TSHZ3: variants seen among roughly 807,000 people sequenced by gnomAD.
TSHZ3 encodes teashirt zinc finger homeobox 3.
In TSHZ3, 10 loss-of-function variants were observed where a neutral mutation model predicts 64.5. That is an observed-to-expected ratio of 0.16 (90% CI 0.10 to 0.26). The LOEUF is 0.26. Among genes scored for constraint, TSHZ3 ranks in the 10% least tolerant of loss-of-function variants. TSHZ3 has a pLI of 1.00. For synonymous variants in TSHZ3, 608 were observed against 593.1 expected (o/e 1.03, Z -0.36); for missense variants, 1,242 against 1,421.7 (o/e 0.87, Z 2.03).
At chr19:31,349,887 C>T (rs2145209595), upstream of TSHZ3, among the ~76,000 whole-genome samples, 1 of 146,502 alleles carries the variant, frequency 6.8e-6, no homozygotes, top group Non-Finnish European at 1.5e-5. Context: ...CAATCGCCCG[C>T]CCGCGGGGGC....
intron 3 of TSHZ3, among the ~76,000 whole-genome samples, chr19:31,233,567 G>T (rs189198327): frequency 7.0e-4 from 106 of 152,138 alleles, no homozygotes; most frequent in African/African-American, 2.5e-3. Context: ...AATGTCTTCG[G>T]CAGGGCAAGC....
rs766981282 is a variant in TSHZ3, at chr19:31,349,255, CGCCGCT to C, written c.-42_-37del. On this transcript the variant is annotated 5_prime_UTR_variant, in exon 1 of 2. Transcript: ENST00000240587. ...CGGCGACTGCCACTGCCGCCGCCGC[CGCCGCT>C]GCCGGGCTGAGGACAGGGAGGGAGG... 20 of 1,525,708 alleles carry C rather than the reference CGCCGCT, an allele frequency of 1.3e-5. No individual in the cohort carries two copies. The highest frequency in any genetic ancestry group is 1.9e-4 in the Middle Eastern group (1 of 5,160). 94.5% of individuals were successfully genotyped at this position (1,525,708 alleles called of 1,614,324 possible).
At chr19:31,298,727 A>T (rs1314905328) in intron 1 of TSHZ3, among the ~76,000 whole-genome samples, 1 of 152,130 alleles carries the variant, frequency 6.6e-6, no homozygotes, top group Non-Finnish European at 1.5e-5. Context: ...GAAGAGACTG[A>T]CGCTTAGAGA....
rs373327042 is a variant in TSHZ3, at chr19:31,279,490, C to T, written c.303G>A (p.Glu101=). The T allele has an allele frequency of 2.2e-5, 35 of 1,613,994 alleles. No homozygotes were observed. Among genetic ancestry groups the T allele is most frequent in the Non-Finnish European group, 3.0e-5 (35 of 1,179,952 alleles). The part of the protein sequence containing the change: ...GSIKNEEETK[E]VTVPLEDTTV... The stretch of plus-strand genomic sequence containing the variant: ...TCGTGTCTTCCAGTGGGACCGTGAC[C>T]TCCTTGGTCTCCTCTTCGTTCTTGA... The change falls in exon 2 of 2, where the codon GAG becomes GAA. Residue 101 remains glutamate (E), a synonymous_variant. Coordinates refer to ENST00000240587, the MANE Select transcript of TSHZ3 (RefSeq NM_020856.4). This position sits in a 1 kb window ranked among gnomAD's most constrained non-coding sequence, Gnocchi z 6.4.
intron 1 of TSHZ3, among the ~76,000 whole-genome samples, chr19:31,338,035 A>G (rs1017425373): frequency 6.6e-6 from 1 of 152,244 alleles, no homozygotes; most frequent in Non-Finnish European, 1.5e-5. Context: ...CATATTTAAT[A>G]GAATCCCTGC....
At chr19:31,177,031 G>T (rs1035225064) in intron 5 of TSHZ3, among the ~76,000 whole-genome samples, 4 of 152,172 alleles carry the variant, frequency 2.6e-5, no homozygotes, top group Admixed American at 2.0e-4. Context: ...GTACCTGGCA[G>T]AAGTATGTGC....
intron 4 of TSHZ3, among the ~76,000 whole-genome samples, chr19:31,215,829 C>T (rs1286554589): frequency 1.3e-5 from 2 of 152,012 alleles, no homozygotes; most frequent in Non-Finnish European, 2.9e-5. Flanking sequence ...CGAGATCGTG[C>T]CCCTGCACTC....
At chr19:31,317,664 C>T (rs1916642415) in intron 1 of TSHZ3, among the ~76,000 whole-genome samples, 1 of 152,204 alleles carries the variant, frequency 6.6e-6, no homozygotes, top group Non-Finnish European at 1.5e-5. Context: ...CAGGGCGCAT[C>T]CCCAGACTGG....
intron 1 of TSHZ3, among the ~76,000 whole-genome samples, chr19:31,249,937 T>C (rs562410717): frequency 1.3e-5 from 2 of 152,360 alleles, no homozygotes; most frequent in African/African-American, 2.4e-5. Flanking sequence ...CCACATTTGC[T>C]TCCTGGGGAT....
Position 31,309,165 on chromosome 19 carries a change from C to T in TSHZ3, c.41-29413G>A, listed in dbSNP as rs2145151841. Among the ~76,000 whole-genome samples the T allele has an allele frequency of 1.3e-5, 2 of 152,356 alleles. 1 individual carries two copies. Among genetic ancestry groups the T allele is most frequent in the East Asian group, 3.9e-4 (2 of 5,164 alleles). ...GCAGACACAATGCCGGAAGGCATCG[C>T]TTTGTACGGGGCCCTGGGTTCAGGA... On this transcript the variant is annotated intron_variant, in intron 1 of 1. Transcript: ENST00000240587.
intron 4 of TSHZ3, among the ~76,000 whole-genome samples, chr19:31,218,938 C>T (rs1975366724): frequency 6.6e-6 from 1 of 152,138 alleles, no homozygotes; most frequent in Non-Finnish European, 1.5e-5. Flanking sequence ...GGCAGCATTG[C>T]TAATTTTTCT....
chr19:31,197,388 C>T (rs956245307), intron 5 of TSHZ3, among the ~76,000 whole-genome samples: 1 of 150,508 alleles, frequency 6.6e-6, no homozygotes, highest in Non-Finnish European at 1.5e-5. Context: ...ATCATCTAGG[C>T]TTCCATTAGA....
chr19:31,328,370 G>C (rs1025941972), intron 1 of TSHZ3, among the ~76,000 whole-genome samples: 1 of 152,228 alleles, frequency 6.6e-6, no homozygotes, highest in East Asian at 1.9e-4. Context: ...GGGGACTGCG[G>C]GCCACGTTGG....
chr19:31,288,822 T>G (rs1976511155), intron 1 of TSHZ3, among the ~76,000 whole-genome samples: 1 of 152,194 alleles, frequency 6.6e-6, no homozygotes, highest in Non-Finnish European at 1.5e-5. Context: ...ATTACAGGCT[T>G]GAGCCACGGA....
At chr19:31,184,946 C>G (rs1017814204) in intron 5 of TSHZ3, among the ~76,000 whole-genome samples, 1 of 152,134 alleles carries the variant, frequency 6.6e-6, no homozygotes, top group Admixed American at 6.5e-5. Flanking sequence ...ATTTTTCCCC[C>G]CAAGGGGTTA....
intron 4 of TSHZ3, among the ~76,000 whole-genome samples, chr19:31,226,677 A>G (rs1975466859): frequency 6.6e-6 from 1 of 152,046 alleles, no homozygotes; most frequent in Non-Finnish European, 1.5e-5. Flanking sequence ...CACCAACCAC[A>G]AGTCAACATC....
chr19:31,287,291 C>A (rs971600812), intron 1 of TSHZ3, among the ~76,000 whole-genome samples: 10 of 152,178 alleles, frequency 6.6e-5, no homozygotes, highest in African/African-American at 2.4e-4. Context: ...GAAGTTATAA[C>A]CCTCCGTTTC....
chr19:31,250,057 G>A (rs1439051967), intron 1 of TSHZ3, among the ~76,000 whole-genome samples: 2 of 152,212 alleles, frequency 1.3e-5, no homozygotes, highest in Non-Finnish European at 2.9e-5. Flanking sequence ...CACGCGCCAG[G>A]CACACAGCAC....
rs760508166 is a variant in TSHZ3, at chr19:31,309,819, G to A, written c.41-30067C>T. 3.3e-5 allele frequency among the ~76,000 whole-genome samples: 5 copies of A among 152,152 alleles called. No individual in the cohort carries two copies. In the East Asian group the frequency reaches 7.8e-4, roughly 24 times the overall value. The stretch of plus-strand genomic sequence containing the variant: ...TTCTTTCACCCCCTGGGATGGCCAC[G>A]GCATCCCTCTCCATGTTCCCATCCT... On this transcript the variant is annotated intron_variant, in intron 1 of 1. Coordinates refer to ENST00000240587, the MANE Select transcript of TSHZ3 (RefSeq NM_020856.4).
Sources: allele counts gnomAD v4.1 joint callset (sites outside exome capture counted in the v4.1 genomes callset), GRCh38; gene constraint gnomAD v4.1.1; non-coding constraint Gnocchi (gnomAD v3.1); transcripts MANE v1.5; gene names NCBI Gene and HGNC (gene_info 2026-07-23, HGNC 2026-07-21).